The following ENG variants were observed in gnomAD, a reference collection of about 807,000 sequenced individuals.
ENG encodes endoglin, also known as CD105 antigen.
Under a neutral mutation model 71.0 loss-of-function variants are expected in ENG, and 17 were observed. That is an observed-to-expected ratio of 0.24 (90% CI 0.16 to 0.36). The LOEUF is 0.36. Ranked by LOEUF, ENG falls within the 10% of genes least tolerant of loss-of-function variation. The pLI is 1.00. For missense variants in ENG, 749 were observed against 868.3 expected, an observed-to-expected ratio of 0.86 and a Z score of 1.73; for synonymous variants, 360 against 366.9, an observed-to-expected ratio of 0.98 and a Z score of 0.21.
chr9:127,843,073 A>T lies in ENG; in HGVS notation c.219+21T>A, dbSNP rs1277945776. The T allele has an allele frequency of 1.9e-6, 3 of 1,613,332 alleles. No individual in the cohort carries two copies. The East Asian group carries it at 6.7e-5, about 36-fold the overall frequency. On this transcript the variant is annotated intron_variant, in intron 2 of 14. Transcript: ENST00000373203. ...GGAGCTTCCTCTGAGCCCCCACCCG[A>T]CCCTGCCATGGGACACTCACCGTTG...
chr9:127,820,179 A>G, intron 8 of ENG, 142 bp from the exon 9 acceptor site: 1 of 1,220,100 alleles, frequency 8.2e-7, no homozygotes, highest in Non-Finnish European at 1.1e-6. Context: ...TTTTTGTTAG[A>G]TGTCATCATC....
At chr9:127,840,195 G>A (rs1322394332) in intron 2 of ENG, among the ~76,000 whole-genome samples, 2 of 152,248 alleles carry the variant, frequency 1.3e-5, no homozygotes, top group Non-Finnish European at 2.9e-5. Context: ...CCACAGTTCA[G>A]CTGGAGGGCT....
chr9:127,828,519 T>TGGCG (rs1436326776), intron 3 of ENG, among the ~76,000 whole-genome samples: 1 of 152,120 alleles, frequency 6.6e-6, no homozygotes, highest in African/African-American at 2.4e-5. Flanking sequence ...ACCTTCCGGC[T>TGGCG]GGCGGGCGCG....
At chr9:127,819,688 C>A in intron 9 of ENG, 28 bp from the exon 10 acceptor site, 1 of 1,599,360 alleles carries the variant, frequency 6.3e-7, no homozygotes, top group South Asian at 1.1e-5. Context: ...GGGAGCTGGT[C>A]AGAGCCAGAA....
chr9:127,850,490 T>C (rs565575611), intron 1 of ENG, among the ~76,000 whole-genome samples: 3 of 152,170 alleles, frequency 2.0e-5, no homozygotes, highest in Non-Finnish European at 4.4e-5. Context: ...TGAGGGAGAA[T>C]GCTAATGGTC....
At position 127,842,037 on chromosome 9, in the gene ENG, G is replaced by T. The variant is rs185072623; in HGVS notation, c.219+1057C>A. On this transcript the variant is annotated intron_variant, in intron 2 of 14. Transcript: ENST00000373203. ...CTCTAGCACATAGCGCTTAACAAAG[G>T]TGTTGTTATTATTCAGGACAGACGT... Among the ~76,000 whole-genome samples, 9 of 152,268 alleles carry T rather than the reference G, an allele frequency of 5.9e-5. No individual in the cohort carries two copies. In the East Asian group the frequency reaches 1.7e-3, roughly 29 times the overall value.
At chr9:127,850,277 A>T (rs1378077820) in intron 1 of ENG, among the ~76,000 whole-genome samples, 1 of 152,200 alleles carries the variant, frequency 6.6e-6, no homozygotes, top group African/African-American at 2.4e-5. Flanking sequence ...CTCATCTATA[A>T]ACTGGGGATA....
At chr9:127,832,398 A>G (rs1266535090) in intron 2 of ENG, among the ~76,000 whole-genome samples, 1 of 152,128 alleles carries the variant, frequency 6.6e-6, no homozygotes, top group African/African-American at 2.4e-5. Context: ...TCACTTACAG[A>G]TGAGGGAACC....
intron 2 of ENG, among the ~76,000 whole-genome samples, chr9:127,835,959 A>T (rs1038249728): frequency 2.0e-5 from 3 of 152,168 alleles, no homozygotes; most frequent in African/African-American, 7.2e-5. Context: ...AGGTGGGGGC[A>T]AGTGAGTAGT....
chr9:127,825,628 C>CA (rs376337988), intron 5 of ENG, 67 bp downstream of exon 5: 19 of 1,080,026 alleles, frequency 1.8e-5, no homozygotes, highest in East Asian at 3.1e-5. Context: ...GGAGAGGGGG[C>CA]GGGGGGGGTC....
At chr9:127,831,713 A>T (rs1374297456) in intron 2 of ENG, among the ~76,000 whole-genome samples, 14 of 138,722 alleles carry the variant, frequency 1.0e-4, no homozygotes, top group African/African-American at 3.6e-4. Context: ...TTCTTTTGAG[A>T]CAGGGTCTTG....
intron 1 of ENG, among the ~76,000 whole-genome samples, chr9:127,843,732 C>CATATATATATATATATATATAT (rs1351217360): frequency 3.1e-4 from 4 of 12,756 alleles, no homozygotes; most frequent in African/African-American, 9.7e-4. Context: ...CACACATCCA[C>CATATATATATATATATATATAT]ATACATATAT....
chr9:127,825,992 G>A, intron 4 of ENG, 132 bp from the exon 5 acceptor site: 1 of 1,249,200 alleles, frequency 8.0e-7, no homozygotes, highest in Non-Finnish European at 1.1e-6. Flanking sequence ...GGCGTCAGAG[G>A]ACCTAGGTTC....
chr9:127,824,170 C>T (rs1830541473), intron 8 of ENG, 134 bp downstream of exon 8: 2 of 1,278,644 alleles, frequency 1.6e-6, no homozygotes, highest in Middle Eastern at 1.9e-4. Context: ...TTCCATTATA[C>T]AAGTGGGAAA....
At chr9:127,843,306 C>A (rs1357833827) in intron 1 of ENG, 61 bp from the exon 2 acceptor site, 1 of 1,611,162 alleles carries the variant, frequency 6.2e-7, no homozygotes, top group African/African-American at 1.3e-5. Context: ...ATGACTCCTA[C>A]TTTCCAAACG....
chr9:127,816,177 A>G, intron 13 of ENG, 124 bp from the exon 14 acceptor site: 1 of 1,212,544 alleles, frequency 8.2e-7, no homozygotes, highest in Admixed American at 2.0e-5. Context: ...ACTTCTCTGA[A>G]CCTCAGTCTC....
In ENG at chr9:127,836,545, T is replaced by A. The variant is rs1271472456; in HGVS notation, c.219+6549A>T. 6.6e-6 allele frequency among the ~76,000 whole-genome samples: 1 copy of A among 152,086 alleles called. No homozygotes were observed. The highest frequency in any genetic ancestry group is 1.5e-5 in the Non-Finnish European group (1 of 68,000). On this transcript the variant is annotated intron_variant, in intron 2 of 14. Coordinates refer to ENST00000373203, the MANE Select transcript of ENG (RefSeq NM_001114753.3). This position sits in a 1 kb window ranked among gnomAD's most constrained non-coding sequence, Gnocchi z 4.0. ...CAGATTGGAGCCAGCCGTCCCTCTG[T>A]CCACCCCAGAAAACTCAGATGGTCC...
chr9:127,843,140 G>A lies in ENG; in HGVS notation c.173C>T (p.Pro58Leu). 1.9e-6 allele frequency: 3 copies of A among 1,614,208 alleles called. No homozygotes were observed. Among genetic ancestry groups the A allele is most frequent in the Non-Finnish European group, 2.5e-6 (3 of 1,180,028 alleles). Residue 58 changes from proline (P) to leucine (L), a missense_variant, in exon 2 of 15, where the codon CCC (proline) becomes CTC (leucine). By Grantham distance (98) the Pro-to-Leu change is moderately conservative (BLOSUM62 -3). Transcript: ENST00000373203. The part of the protein sequence containing the change: ...QVSKGCVAQA[P>L]NAILEVHVLF... ...GACATGGACTTCAAGGATGGCATTG[G>A]GGGCCTGAGCCACGCAGCCCTTCGA...
chr9:127,820,118 C>G, intron 8 of ENG, 81 bp from the exon 9 acceptor site: 1 of 1,548,580 alleles, frequency 6.5e-7, no homozygotes, highest in East Asian at 2.3e-5. Context: ...GGACTGACCA[C>G]AACCCAGGGG....
Sources: gnomAD v4.1 joint callset for allele counts (sites outside exome capture counted in the v4.1 genomes callset) on GRCh38, gnomAD v4.1.1 for gene constraint, Gnocchi (gnomAD v3.1) non-coding constraint, MANE v1.5 for transcripts, NCBI Gene and HGNC (gene_info 2026-07-23, HGNC 2026-07-21) for gene names.